Variants in COLEC10 observed in about 807,000 individuals in gnomAD.
COLEC10 encodes the protein collectin-10.
COLEC10 carries 22 observed loss-of-function variants against 28.4 expected under a neutral mutation model. That is an observed-to-expected ratio of 0.78 (90% CI 0.55 to 1.11). The LOEUF (loss-of-function observed/expected upper bound fraction) is 1.11, where lower values mean the gene tolerates loss of function less well. Among genes scored for constraint, COLEC10 ranks in the 50% least tolerant of loss-of-function variants. The pLI, the probability that COLEC10 is intolerant of heterozygous loss-of-function variation, is 0.00. For missense variants in COLEC10, 361 were observed against 344.1 expected, an observed-to-expected ratio of 1.05 and a Z score of -0.39; for synonymous variants, 125 against 116.1, an observed-to-expected ratio of 1.08 and a Z score of -0.49.
rs1344985243 is a variant in COLEC10 at position 119,108,442 on chromosome 8, A to T, written c.*2251A>T. Among the ~76,000 whole-genome samples the T allele has an allele frequency of 6.6e-6, 1 of 152,214 alleles. No individual in the cohort carries two copies. The highest frequency in any genetic ancestry group is 2.4e-5 in the African/African-American group (1 of 41,464). ...TATTTACTGTGAATGTTATAATAAT[A>T]GTTCTCTCAATGACTCATGTTGTCT... On this transcript the variant is annotated 3_prime_UTR_variant, in exon 6 of 6. Coordinates refer to ENST00000332843, the MANE Select transcript of COLEC10 (RefSeq NM_006438.5).
chr8:119,032,520 A>G (rs1369618547), intron 2 of COLEC10, among the ~76,000 whole-genome samples: 1 of 152,208 alleles, frequency 6.6e-6, no homozygotes, highest in African/African-American at 2.4e-5. Context: ...ACTCAGCCTA[A>G]GGAGTTGTTT....
intron 2 of COLEC10, among the ~76,000 whole-genome samples, chr8:119,057,686 G>A (rs1587026033): frequency 6.6e-6 from 1 of 152,004 alleles, no homozygotes; most frequent in African/African-American, 2.4e-5. Flanking sequence ...ATGAGTAGAT[G>A]AATAAATGCA....
intron 4 of COLEC10, 42 bp from the exon 5 acceptor site, chr8:119,103,758 C>T (rs924995635): frequency 6.0e-6 from 7 of 1,169,620 alleles, no homozygotes; most frequent in Non-Finnish European, 9.0e-6. Flanking sequence ...CACTGGTCTG[C>T]AGGTACTTCA....
chr8:119,019,058 G>T (rs916043252), intron 2 of COLEC10, among the ~76,000 whole-genome samples: 2 of 152,194 alleles, frequency 1.3e-5, no homozygotes, highest in South Asian at 4.2e-4. Flanking sequence ...GCAGTTACCC[G>T]CATCCAACAA....
chr8:119,045,678 T>C (rs527926379), intron 2 of COLEC10, among the ~76,000 whole-genome samples: 20 of 152,388 alleles, frequency 1.3e-4, no homozygotes, highest in African/African-American at 4.8e-4. Context: ...GTTTGAATTG[T>C]GCATTAAAAT....
the COLEC10 span, among the ~76,000 whole-genome samples, chr8:118,988,764 C>T: frequency 6.6e-6 from 1 of 152,190 alleles, no homozygotes; most frequent in African/African-American, 2.4e-5. Context: ...CCCAAGTCAA[C>T]AGGGGAGCCA....
intron 1 of COLEC10, among the ~76,000 whole-genome samples, chr8:119,086,594 C>T (rs2130269845): frequency 6.6e-6 from 1 of 152,258 alleles, no homozygotes; most frequent in East Asian, 1.9e-4. Context: ...ATTTCACCCT[C>T]CCAGATCTCC....
intron 1 of COLEC10, among the ~76,000 whole-genome samples, chr8:119,075,699 A>T (rs1455440975): frequency 6.6e-6 from 1 of 152,140 alleles, no homozygotes; most frequent in Non-Finnish European, 1.5e-5. Context: ...GGAGAAGGAA[A>T]CTAAAGCACA....
chr8:119,028,247 A>G lies in COLEC10; in HGVS notation n.235+18694A>G, dbSNP rs577106455. 2.6e-5 allele frequency among the ~76,000 whole-genome samples: 4 copies of G among 152,332 alleles called. No homozygotes were observed. In the East Asian group the frequency reaches 7.7e-4, roughly 29 times the overall value. ...AAATAGCTAAGGAAAGATTTGATAC[A>G]TATCATATATTACATTGAAATTGCA... On this transcript the variant is annotated intron_variant and non_coding_transcript_variant, in intron 2 of 6. Transcript: ENST00000521788.
chr8:118,957,569 C>G, the COLEC10 span, among the ~76,000 whole-genome samples: 4 of 152,146 alleles, frequency 2.6e-5, no homozygotes, highest in African/African-American at 9.7e-5. Flanking sequence ...TCTAGAGAGT[C>G]AGGGTAAGGA....
the COLEC10 span, among the ~76,000 whole-genome samples, chr8:118,980,897 G>T: frequency 6.6e-6 from 1 of 151,792 alleles, no homozygotes; most frequent in Admixed American, 6.6e-5. Context: ...GTTTGCAGGG[G>T]GGTGGATTGT....
intron 2 of COLEC10, among the ~76,000 whole-genome samples, chr8:119,059,658 T>C (rs1418438160): frequency 2.0e-5 from 3 of 152,082 alleles, no homozygotes; most frequent in Non-Finnish European, 4.4e-5. Flanking sequence ...ACTGCAATTC[T>C]CACCAACTGC....
At chr8:119,040,505 C>T (rs1003299143) in intron 2 of COLEC10, among the ~76,000 whole-genome samples, 2 of 152,028 alleles carry the variant, frequency 1.3e-5, no homozygotes, top group African/African-American at 2.4e-5. Context: ...GCCCATCCCT[C>T]CTAGATTTGT....
At chr8:119,045,955 A>G (rs536104939) in intron 2 of COLEC10, among the ~76,000 whole-genome samples, 2 of 152,310 alleles carry the variant, frequency 1.3e-5, no homozygotes, top group African/African-American at 4.8e-5. Context: ...GTTATTTCCA[A>G]TGACACATAC....
upstream of COLEC10, among the ~76,000 whole-genome samples, chr8:118,994,692 C>CT: frequency 6.6e-6 from 1 of 152,124 alleles, no homozygotes; most frequent in African/African-American, 2.4e-5. Context: ...TTGCTGCCTC[C>CT]TCAACACACA....
At chr8:119,091,833 G>T (rs1199888454) in intron 3 of COLEC10, among the ~76,000 whole-genome samples, 2 of 152,034 alleles carry the variant, frequency 1.3e-5, no homozygotes, top group East Asian at 3.9e-4. Context: ...AAGCATCAAG[G>T]TCTGATAGTC....
At chr8:119,025,578 G>A (rs1401563675) in intron 2 of COLEC10, among the ~76,000 whole-genome samples, 1 of 152,070 alleles carries the variant, frequency 6.6e-6, no homozygotes, top group Non-Finnish European at 1.5e-5. Flanking sequence ...TTTTCAGTGT[G>A]GACACCAGGC....
At chr8:118,994,732 A>G (rs561810034), upstream of COLEC10, among the ~76,000 whole-genome samples, 2 of 152,336 alleles carry the variant, frequency 1.3e-5, no homozygotes, top group South Asian at 4.1e-4. Flanking sequence ...ATCCATCTCT[A>G]GTAGAGCTGA....
chr8:119,103,593 C>A (rs1815882018), intron 4 of COLEC10, among the ~76,000 whole-genome samples: 1 of 151,848 alleles, frequency 6.6e-6, no homozygotes, highest in Non-Finnish European at 1.5e-5. Flanking sequence ...ATAGTTCATT[C>A]AAAACATTTA....
Sources: gnomAD v4.1 joint callset for allele counts (sites outside exome capture counted in the v4.1 genomes callset) on GRCh38, gnomAD v4.1.1 for gene constraint, MANE v1.5 for transcripts, NCBI Gene and HGNC (gene_info 2026-07-23, HGNC 2026-07-21) for gene names.